Variants in SLC10A7 observed in about 807,000 individuals in gnomAD.
The protein encoded by SLC10A7 is sodium/bile acid cotransporter 7.
Under a neutral mutation model 43.2 loss-of-function variants are expected in SLC10A7, and 29 were observed. The ratio of observed to expected loss-of-function variants is 0.67; its 90% CI spans 0.50 to 0.92. SLC10A7 has a LOEUF of 0.92. Ranked by LOEUF, SLC10A7 falls within the 40% of genes least tolerant of loss-of-function variation. The probability of loss-of-function intolerance (pLI) is 0.00; values close to 1 mark genes in which losing one functional copy is unlikely to be tolerated. For synonymous variants in SLC10A7, 152 were observed against 144.8 expected, an observed-to-expected ratio of 1.05 and a Z score of -0.35; for missense variants, 295 against 403.2, an observed-to-expected ratio of 0.73 and a Z score of 2.30.
intron 4 of SLC10A7, among the ~76,000 whole-genome samples, chr4:146,501,693 G>A (rs1426118125): frequency 2.0e-5 from 3 of 152,186 alleles, no homozygotes; most frequent in Non-Finnish European, 4.4e-5. Context: ...TTTAACCACT[G>A]AGATTTTGGA....
chr4:146,501,905 C>T (rs193106804), intron 4 of SLC10A7, among the ~76,000 whole-genome samples: 1 of 152,126 alleles, frequency 6.6e-6, no homozygotes, highest in South Asian at 2.1e-4. Flanking sequence ...AATCCAATCA[C>T]GTTTACTGTC....
rs72727990 is a variant in SLC10A7 at position 146,260,572 on chromosome 4, G to A, written c.848-1735C>T. ...AGCAAGCTTAAGTGATCTCAGAAGGGAAGCCATAGAGATAGTCCCAGATGC... is the reference window on the plus strand; with the variant it reads ...AGCAAGCTTAAGTGATCTCAGAAGGAAAGCCATAGAGATAGTCCCAGATGC... On this transcript the variant is annotated intron_variant, in intron 10 of 11. Coordinates refer to ENST00000335472, the MANE Select transcript of SLC10A7 (RefSeq NM_001029998.6). 3.3e-3 allele frequency among the ~76,000 whole-genome samples: 500 copies of A among 152,282 alleles called. 2 individuals carry two copies. The highest frequency in any genetic ancestry group is 5.4e-3 in the Non-Finnish European group (369 of 68,024).
intron 7 of SLC10A7, 43 bp from the exon 8 acceptor site, chr4:146,294,138 A>T (rs746119064): frequency 6.8e-7 from 1 of 1,470,590 alleles, no homozygotes; most frequent in South Asian, 1.5e-5. Context: ...TCAGAGATGG[A>T]GGGAGTTGAA....
chr4:146,350,313 G>A (rs141894069), intron 5 of SLC10A7, among the ~76,000 whole-genome samples: 10,411 of 151,584 alleles, frequency 0.069, 469 homozygotes, highest in South Asian at 0.18. Context: ...CGAATATTGC[G>A]CTTTTCAGAA....
At chr4:146,345,420 C>T (rs766014749) in intron 5 of SLC10A7, among the ~76,000 whole-genome samples, 5 of 152,168 alleles carry the variant, frequency 3.3e-5, no homozygotes, top group Non-Finnish European at 2.9e-5. Context: ...TGGTCTACAA[C>T]ATTCTGTATT....
At chr4:146,446,935 C>A (rs1351446431) in intron 4 of SLC10A7, among the ~76,000 whole-genome samples, 1 of 152,138 alleles carries the variant, frequency 6.6e-6, no homozygotes, top group Middle Eastern at 3.2e-3. Context: ...CCAAAGTCTT[C>A]ATCTCCTACT....
intron 9 of SLC10A7, among the ~76,000 whole-genome samples, chr4:146,284,828 T>C (rs1027649345): frequency 2.0e-5 from 3 of 152,134 alleles, no homozygotes; most frequent in Non-Finnish European, 2.9e-5. Flanking sequence ...AGGAGTTCCA[T>C]AAGGTTCCGT....
intron 6 of SLC10A7, among the ~76,000 whole-genome samples, chr4:146,308,896 G>T (rs930701236): frequency 6.6e-6 from 1 of 152,114 alleles, no homozygotes; most frequent in Non-Finnish European, 1.5e-5. Context: ...GGAAATTTAG[G>T]ATCTTTGCAT....
chr4:146,492,223 A>C (rs1735525440), intron 4 of SLC10A7, among the ~76,000 whole-genome samples: 1 of 151,946 alleles, frequency 6.6e-6, no homozygotes, highest in African/African-American at 2.4e-5. Context: ...CTGTCTCAAA[A>C]AAAAAAAAGG....
intron 10 of SLC10A7, among the ~76,000 whole-genome samples, chr4:146,263,965 C>A (rs1183245719): frequency 6.6e-6 from 1 of 152,204 alleles, no homozygotes; most frequent in Admixed American, 6.5e-5. Flanking sequence ...CTTGGGAAAT[C>A]ACTAATGTAC....
chr4:146,273,271 C>T (rs558033347), intron 10 of SLC10A7, among the ~76,000 whole-genome samples: 8 of 152,238 alleles, frequency 5.3e-5, no homozygotes, highest in African/African-American at 1.9e-4. Context: ...CATGCAAGCA[C>T]TTGGCCCCTC....
At chr4:146,419,876 C>T (rs1728831838) in intron 5 of SLC10A7, among the ~76,000 whole-genome samples, 1 of 151,946 alleles carries the variant, frequency 6.6e-6, no homozygotes, top group Non-Finnish European at 1.5e-5. Context: ...CATTTCGTTT[C>T]AATATCTACC....
At chr4:146,448,751 T>C (rs1255643045) in intron 4 of SLC10A7, among the ~76,000 whole-genome samples, 1 of 152,182 alleles carries the variant, frequency 6.6e-6, no homozygotes, top group Non-Finnish European at 1.5e-5. Flanking sequence ...GTTTCAAGCC[T>C]AGGAGAATAC....
At chr4:146,394,609 G>T (rs1162288630) in intron 5 of SLC10A7, among the ~76,000 whole-genome samples, 1 of 152,030 alleles carries the variant, frequency 6.6e-6, no homozygotes, top group Admixed American at 6.6e-5. Context: ...CAATTCATCC[G>T]CCTCGGCCTC....
chr4:146,431,571 T>C (rs1729780614), intron 5 of SLC10A7, among the ~76,000 whole-genome samples: 1 of 151,944 alleles, frequency 6.6e-6, no homozygotes, highest in Admixed American at 6.5e-5. Flanking sequence ...GACAGACACA[T>C]AAACCTTACA....
rs59099797 is a variant in SLC10A7, at chr4:146,389,317, T to TAA, written c.435+53464_435+53465dup. Reference sequence around the variant, plus strand: ...TTTGTGTCCCCTAAGTCTACAAAAATAAAAAAAAAAAACATTAAAAGAGGC... The same window carrying TAA: ...TTTGTGTCCCCTAAGTCTACAAAAATAAAAAAAAAAAAAACATTAAAAGAGGC... On this transcript the variant is annotated intron_variant, in intron 5 of 11. Coordinates refer to ENST00000335472, the MANE Select transcript of SLC10A7 (RefSeq NM_001029998.6). 4.0e-3 allele frequency among the ~76,000 whole-genome samples: 596 copies of TAA among 147,642 alleles called. 2 individuals are homozygous for TAA. Among genetic ancestry groups the TAA allele is most frequent in the African/African-American group, 8.6e-3 (348 of 40,384 alleles).
chr4:146,500,086 A>G (rs1383377025), intron 4 of SLC10A7, among the ~76,000 whole-genome samples: 2 of 152,334 alleles, frequency 1.3e-5, no homozygotes, highest in East Asian at 3.9e-4. Context: ...TACCTCCTCT[A>G]TCTCACTAAT....
Position 146,308,217 on chromosome 4 carries a change from T to G in SLC10A7, c.472-2208A>C, listed in dbSNP as rs113777766. Among the ~76,000 whole-genome samples, 613 of 152,230 alleles carry G rather than the reference T, an allele frequency of 4.0e-3. 3 individuals are homozygous for G. Among genetic ancestry groups the G allele is most frequent in the African/African-American group, 0.014 (563 of 41,554 alleles). On this transcript the variant is annotated intron_variant, in intron 6 of 11. Coordinates refer to ENST00000335472, the MANE Select transcript of SLC10A7 (RefSeq NM_001029998.6). Reference sequence around the variant, plus strand: ...GAAGACAGACGAGGTATGGCAGGGATGCTGGGGACGAAATCCCCCAGGATG... The same window carrying G: ...GAAGACAGACGAGGTATGGCAGGGAGGCTGGGGACGAAATCCCCCAGGATG...
Position 146,496,236 on chromosome 4 carries a change from A to G in SLC10A7, c.396+7613T>C, listed in dbSNP as rs530587605. ...TGAAGTAGAGATTCTGAATACTGTA[A>G]TATCACATTAAATGTAAGCTCCTCA... On this transcript the variant is annotated intron_variant, in intron 4 of 11. Coordinates refer to ENST00000335472, the MANE Select transcript of SLC10A7 (RefSeq NM_001029998.6). Among the ~76,000 whole-genome samples the G allele has an allele frequency of 3.9e-5, 6 of 152,304 alleles. No individual in the cohort carries two copies. The South Asian group carries it at 8.3e-4, about 21-fold the overall frequency.
Sources: gnomAD v4.1 joint callset for allele counts (sites outside exome capture counted in the v4.1 genomes callset) on GRCh38, gnomAD v4.1.1 for gene constraint, MANE v1.5 for transcripts, NCBI Gene and HGNC (gene_info 2026-07-23, HGNC 2026-07-21) for gene names.